NFASC: variants seen among roughly 807,000 people sequenced by gnomAD.
NFASC encodes the protein neurofascin homolog.
NFASC carries 43 observed loss-of-function variants against 147.5 expected under a neutral mutation model. That is an observed-to-expected ratio of 0.29 (90% CI 0.23 to 0.38). NFASC has a LOEUF of 0.38. NFASC is among the 10% of genes least tolerant of loss of function. The pLI is 1.00. For missense variants in NFASC, 1,320 were observed against 1,689.0 expected (o/e 0.78, Z 3.83); for synonymous variants, 622 against 665.5 (o/e 0.93, Z 1.01).
At chr1:204,924,525 G>A (rs2149484662) in intron 2 of NFASC, among the ~76,000 whole-genome samples, 1 of 152,306 alleles carries the variant, frequency 6.6e-6, no homozygotes, top group South Asian at 2.1e-4. Flanking sequence ...AGAGCTGGTG[G>A]GACATTGGTG....
intron 10 of NFASC, among the ~76,000 whole-genome samples, chr1:204,969,887 C>T (rs1476592457): frequency 1.3e-5 from 2 of 151,320 alleles, no homozygotes; most frequent in Non-Finnish European, 2.9e-5. Context: ...ACCATCCTGG[C>T]CAAAATGATG....
At chr1:204,935,465 C>T (rs1448692065) in intron 2 of NFASC, among the ~76,000 whole-genome samples, 1 of 152,142 alleles carries the variant, frequency 6.6e-6, no homozygotes, top group Non-Finnish European at 1.5e-5. Context: ...TAGAAGTGGG[C>T]ATCTTATGTG....
chr1:204,835,154 C>T (rs1264740640), intron 1 of NFASC, among the ~76,000 whole-genome samples: 1 of 149,274 alleles, frequency 6.7e-6, no homozygotes, highest in Admixed American at 6.6e-5. Flanking sequence ...GATGGAAGAT[C>T]ACATTGGGCT....
At chr1:204,982,750 T>A (rs561498069) in intron 21 of NFASC, among the ~76,000 whole-genome samples, 3 of 152,334 alleles carry the variant, frequency 2.0e-5, no homozygotes, top group African/African-American at 7.2e-5. Flanking sequence ...GGGAGTCCCC[T>A]CCTGGTTGAG....
intron 1 of NFASC, among the ~76,000 whole-genome samples, chr1:204,917,585 A>G (rs1410334714): frequency 2.0e-5 from 3 of 152,196 alleles, no homozygotes; most frequent in Non-Finnish European, 4.4e-5. Flanking sequence ...TTAAAATATT[A>G]TTAGGAATTC....
At chr1:204,970,514 T>A in intron 10 of NFASC, 102 bp from the exon 11 acceptor site, 1 of 1,380,476 alleles carries the variant, frequency 7.2e-7, no homozygotes, top group Non-Finnish European at 1.0e-6. Flanking sequence ...CACGTGGTGC[T>A]GGGACTCAGG....
chr1:204,834,909 G>C (rs1454225588), intron 1 of NFASC, among the ~76,000 whole-genome samples: 2 of 151,944 alleles, frequency 1.3e-5, no homozygotes, highest in Non-Finnish European at 2.9e-5. Flanking sequence ...CCAGCCCCTC[G>C]TACTTAGCTT....
chr1:205,003,000 A>ATGTT (rs766787117), intron 27 of NFASC, among the ~76,000 whole-genome samples: 63 of 152,204 alleles, frequency 4.1e-4, no homozygotes, highest in Non-Finnish European at 6.5e-4. Context: ...GAAACAAAGG[A>ATGTT]TGTTTAATGA....
intron 1 of NFASC, among the ~76,000 whole-genome samples, chr1:204,829,694 C>G (rs1229148279): frequency 6.6e-6 from 1 of 152,068 alleles, no homozygotes; most frequent in Non-Finnish European, 1.5e-5. Context: ...CATTGGGAAA[C>G]TAGGATGGGG....
intron 1 of NFASC, among the ~76,000 whole-genome samples, chr1:204,842,300 C>T (rs1471883229): frequency 1.3e-5 from 2 of 152,270 alleles, no homozygotes; most frequent in East Asian, 3.9e-4. Flanking sequence ...TTCTTCAGGG[C>T]CAGTTTTACA....
chr1:204,858,003 T>C (rs2076318070), intron 1 of NFASC, among the ~76,000 whole-genome samples: 1 of 146,950 alleles, frequency 6.8e-6, no homozygotes, highest in South Asian at 2.2e-4. Flanking sequence ...TACTACGGCC[T>C]CCACCTCCGG....
chr1:205,009,737 T>G (rs780260949), intron 28 of NFASC, 49 bp downstream of exon 28: 15 of 1,585,380 alleles, frequency 9.5e-6, no homozygotes, highest in Non-Finnish European at 1.3e-5. Context: ...ACGTCCACTT[T>G]CCCGTGAGTC....
Position 204,975,416 on chromosome 1 carries a change from C to G in NFASC, c.1704C>G (p.Asn568Lys). Residue 568 changes from asparagine (N) to lysine (K), a missense_variant and splice_region_variant, in exon 15 of 30, where the codon AAC (asparagine) becomes AAG (lysine). Coordinates refer to ENST00000339876, the MANE Select transcript of NFASC (RefSeq NM_001005388.3). The surrounding 1 kb of genome is among the most constrained non-coding windows in gnomAD (Gnocchi z 4.0). ...LKDDEPLYIG[N>K]RMKKEDDSLT... ...ATGACGAGCCGCTCTATATTGGAAA[C>G]AGGTTTCTCTTCCCCCTTCCCCCTT... The G allele has an allele frequency of 1.2e-6, 2 of 1,611,076 alleles. No individual in the cohort carries two copies. The highest frequency in any genetic ancestry group is 1.7e-6 in the Non-Finnish European group (2 of 1,177,552).
intron 2 of NFASC, among the ~76,000 whole-genome samples, chr1:204,921,505 CT>C (rs1382413540): frequency 6.6e-6 from 1 of 152,154 alleles, no homozygotes; most frequent in Admixed American, 6.5e-5. Flanking sequence ...CTCCACCTCA[CT>C]CTCTTGTTGT....
chr1:204,960,937 C>G (rs992614443), intron 8 of NFASC, among the ~76,000 whole-genome samples: 2 of 152,190 alleles, frequency 1.3e-5, no homozygotes, highest in African/African-American at 4.8e-5. Flanking sequence ...CAGAAAAGGA[C>G]TCTCATACTT....
At chr1:204,837,316 G>A (rs529413695) in intron 1 of NFASC, among the ~76,000 whole-genome samples, 1 of 152,198 alleles carries the variant, frequency 6.6e-6, no homozygotes, top group Non-Finnish European at 1.5e-5. Context: ...TAAGAAAATG[G>A]CATTTCTGGT....
intron 23 of NFASC, chr1:204,990,501 G>A (rs765325486): frequency 6.6e-6 from 1 of 150,954 alleles, no homozygotes; most frequent in Non-Finnish European, 1.5e-5. Flanking sequence ...GACAAATAGA[G>A]GCTTTTTTCT....
chr1:205,004,456 C>A (rs1344952536), intron 27 of NFASC, among the ~76,000 whole-genome samples: 2 of 152,354 alleles, frequency 1.3e-5, no homozygotes, highest in East Asian at 3.9e-4. Context: ...TCAGCCCTGG[C>A]AAGTCTTCCC....
intron 24 of NFASC, chr1:204,993,781 G>T (rs368579089): frequency 1.9e-6 from 1 of 517,824 alleles, no homozygotes; most frequent in Non-Finnish European, 3.9e-6. Flanking sequence ...TGTCTGCCCA[G>T]CCTGGTGCTG....
Sources: gnomAD v4.1 joint callset for allele counts (sites outside exome capture counted in the v4.1 genomes callset) on GRCh38, gnomAD v4.1.1 for gene constraint, Gnocchi (gnomAD v3.1) non-coding constraint, MANE v1.5 for transcripts, NCBI Gene and HGNC (gene_info 2026-07-23, HGNC 2026-07-21) for gene names.